CACNA1S: variants seen among roughly 807,000 people sequenced by gnomAD.
CACNA1S encodes the protein voltage-dependent L-type calcium channel subunit alpha-1S.
Under a neutral mutation model 207.4 loss-of-function variants are expected in CACNA1S, and 126 were observed. The observed-to-expected ratio is 0.61, with a 90% CI of 0.53 to 0.70. The LOEUF (loss-of-function observed/expected upper bound fraction) is 0.70. Among genes scored for constraint, CACNA1S ranks in the 30% least tolerant of loss-of-function variants. The pLI is 0.00. For synonymous variants in CACNA1S, 960 were observed against 932.7 expected (o/e 1.03, Z -0.53); for missense variants, 2,349 against 2,422.8 (o/e 0.97, Z 0.64).
At chr1:201,048,760 G>A in intron 35 of CACNA1S, 76 bp from the exon 36 acceptor site, 1 of 1,312,548 alleles carries the variant, frequency 7.6e-7, no homozygotes. Flanking sequence ...CACCCGGTCT[G>A]TGGACCGGGA....
intron 28 of CACNA1S, among the ~76,000 whole-genome samples, chr1:201,055,628 C>T (rs1425395752): frequency 2.0e-5 from 3 of 152,214 alleles, no homozygotes; most frequent in African/African-American, 7.2e-5. Context: ...GACAAGTAGA[C>T]ATGTGTGGCT....
At chr1:201,054,482 A>G in intron 29 of CACNA1S, 23 bp downstream of exon 29, 1 of 1,612,300 alleles carries the variant, frequency 6.2e-7, no homozygotes, top group Non-Finnish European at 8.5e-7. Context: ...CGTGCCAGGC[A>G]GGCTCGTGCA....
In CACNA1S at chr1:201,078,046, G is replaced by A. The variant is rs144206959; in HGVS notation, c.1452C>T (p.Tyr484=). The stretch of plus-strand genomic sequence containing the variant: ...TGAAGTACTGGCGCAGGCCCAGCCC[G>A]TACATCTTCATCAGCATCTCAGTGG... ...LFTTEMLMKM[Y]GLGLRQYFMS... The change falls in exon 11 of 44, where the codon TAC becomes TAT. Residue 484 remains tyrosine (Y), a synonymous_variant. Coordinates refer to ENST00000362061, the MANE Select transcript of CACNA1S (RefSeq NM_000069.3). 1.4e-3 allele frequency: 2,339 copies of A among 1,614,232 alleles called. 3 individuals are homozygous for A. Among genetic ancestry groups the A allele is most frequent in the Non-Finnish European group, 1.8e-3 (2,089 of 1,180,036 alleles).
At position 201,072,794 on chromosome 1, in the gene CACNA1S, T is replaced by C. The variant is rs1323273805; in HGVS notation, c.2188A>G (p.Asn730Asp). 2 of 1,613,752 alleles carry C rather than the reference T, an allele frequency of 1.2e-6. No homozygotes were observed. Among genetic ancestry groups the C allele is most frequent in the African/African-American group, 2.7e-5 (2 of 74,852 alleles). ...LKIDEFESNV[N>D]EVKDPYPSAD... ...GAGGGGTAGGGATCCTTCACCTCAT[T>C]GACATTAGATTCAAACTCATCGATT... The change falls in exon 16 of 44, where the codon AAT (asparagine) becomes GAT (aspartate). Residue 730 changes from asparagine to aspartate, a missense_variant. Coordinates refer to ENST00000362061, the MANE Select transcript of CACNA1S (RefSeq NM_000069.3).
chr1:201,069,454 G>C lies in CACNA1S; in HGVS notation c.2490+18C>G. On this transcript the variant is annotated intron_variant, in intron 18 of 43. Coordinates refer to ENST00000362061, the MANE Select transcript of CACNA1S (RefSeq NM_000069.3). ...GGGGGCAGGGGTGCTGAGTGGCAGA[G>C]AGGGTGAAGCCCGTCACCTGATTTC... 1.2e-6 allele frequency: 2 copies of C among 1,606,328 alleles called. No individual in the cohort carries two copies. Among genetic ancestry groups the C allele is most frequent in the African/African-American group, 1.3e-5 (1 of 75,040 alleles).
intron 28 of CACNA1S, among the ~76,000 whole-genome samples, chr1:201,056,694 C>T (rs926275207): frequency 6.6e-5 from 10 of 152,222 alleles, no homozygotes; most frequent in Non-Finnish European, 1.3e-4. Context: ...CACCCTCCTT[C>T]GTTGCAGCAA....
chr1:201,106,751 A>T (rs1205259187), intron 2 of CACNA1S, among the ~76,000 whole-genome samples: 1 of 152,096 alleles, frequency 6.6e-6, no homozygotes, highest in Non-Finnish European at 1.5e-5. Flanking sequence ...CCAGAGGTGG[A>T]GGTGTGGAGC....
chr1:201,066,384 C>G lies in CACNA1S; in HGVS notation c.2658-68G>C. The G allele has an allele frequency of 7.4e-7, 1 of 1,355,902 alleles. No individual in the cohort carries two copies. Among genetic ancestry groups the G allele is most frequent in the Admixed American group, 1.7e-5 (1 of 59,628 alleles). 84.0% of individuals were successfully genotyped at this position (1,355,902 alleles called of 1,614,324 possible). A position where few individuals can be genotyped will look rare whatever the true frequency, so the allele number is the denominator to read the frequency against. On this transcript the variant is annotated intron_variant, in intron 20 of 43. Transcript: ENST00000362061. The surrounding 1 kb of genome is among the most constrained non-coding windows in gnomAD (Gnocchi z 4.3). ...CAGCCAGCCCAGTCTGCGGTGGAGC[C>G]TCCAGCCATATCCTGCCCTCCACAC... is the stretch of plus-strand genomic sequence containing the variant.
chr1:201,073,500 T>A, intron 15 of CACNA1S, 49 bp downstream of exon 15: 1 of 1,434,114 alleles, frequency 7.0e-7, no homozygotes, highest in Non-Finnish European at 9.8e-7. Flanking sequence ...GAACCATGGA[T>A]TGGAAGAGCC....
At chr1:201,078,525 A>C (rs1490531067) in intron 10 of CACNA1S, among the ~76,000 whole-genome samples, 2 of 151,714 alleles carry the variant, frequency 1.3e-5, no homozygotes, top group African/African-American at 2.4e-5. Context: ...TTCAAAAAAA[A>C]AAAAAAAAAA....
chr1:201,093,738 C>T (rs746377044), intron 3 of CACNA1S, 144 bp downstream of exon 3: 133 of 989,802 alleles, frequency 1.3e-4, no homozygotes, highest in Non-Finnish European at 1.8e-4. Context: ...CTTGCTGGGC[C>T]GGCCTCTAAC....
At chr1:201,070,172 T>C in intron 17 of CACNA1S, 100 bp downstream of exon 17, 1 of 1,290,010 alleles carries the variant, frequency 7.8e-7, no homozygotes, top group South Asian at 1.2e-5. Flanking sequence ...TTTCTCATAG[T>C]ATAACTGTAG....
At chr1:201,080,076 T>C (rs966553113) in intron 10 of CACNA1S, among the ~76,000 whole-genome samples, 1 of 152,104 alleles carries the variant, frequency 6.6e-6, no homozygotes, top group Non-Finnish European at 1.5e-5. Flanking sequence ...GAGTATACAC[T>C]CTCCCCTGGA....
In CACNA1S at chr1:201,066,093, C is replaced by A. The variant is rs1661229294; in HGVS notation, c.2745+136G>T. On this transcript the variant is annotated intron_variant, in intron 21 of 43. Transcript: ENST00000362061. The surrounding 1 kb of genome is among the most constrained non-coding windows in gnomAD (Gnocchi z 4.3). ...TGGTGGGGAAGCATAGCTACCCCAGCCTCATCCTTACCCCTATCTGCCCAG... is the reference window on the plus strand; with the variant it reads ...TGGTGGGGAAGCATAGCTACCCCAGACTCATCCTTACCCCTATCTGCCCAG... 3 of 964,266 alleles carry A rather than the reference C, an allele frequency of 3.1e-6. No individual in the cohort carries two copies. The highest frequency in any genetic ancestry group is 4.9e-6 in the Non-Finnish European group (3 of 609,494). 59.7% of individuals were successfully genotyped at this position (964,266 alleles called of 1,614,324 possible).
At chr1:201,063,105 A>T (rs1661122688) in intron 22 of CACNA1S, among the ~76,000 whole-genome samples, 1 of 149,652 alleles carries the variant, frequency 6.7e-6, no homozygotes, top group Non-Finnish European at 1.5e-5. Flanking sequence ...GCTCCTCTGC[A>T]CTGACTTTGG....
chr1:201,099,444 T>G (rs894689783), intron 2 of CACNA1S, among the ~76,000 whole-genome samples: 5 of 152,230 alleles, frequency 3.3e-5, no homozygotes, highest in Non-Finnish European at 5.9e-5. Flanking sequence ...TGCCACCACA[T>G]GACTGCCTGT....
chr1:201,052,358 T>C (rs759027813), intron 32 of CACNA1S, among the ~76,000 whole-genome samples, 199 bp downstream of exon 32: 2 of 152,172 alleles, frequency 1.3e-5, no homozygotes, highest in Admixed American at 6.5e-5. Flanking sequence ...GTGGGACCAC[T>C]TGTTCAAAAT....
chr1:201,100,236 C>T (rs1662598738), intron 2 of CACNA1S, among the ~76,000 whole-genome samples: 1 of 152,214 alleles, frequency 6.6e-6, no homozygotes. Flanking sequence ...TGCTGTTTTT[C>T]CTGTTTCACA....
chr1:201,099,196 T>C (rs1361282482), intron 2 of CACNA1S, among the ~76,000 whole-genome samples: 1 of 152,222 alleles, frequency 6.6e-6, no homozygotes, highest in Non-Finnish European at 1.5e-5. Context: ...TCTGCCCAGC[T>C]CTAGTCTCCC....
Sources: allele counts gnomAD v4.1 joint callset (sites outside exome capture counted in the v4.1 genomes callset), GRCh38; gene constraint gnomAD v4.1.1; non-coding constraint Gnocchi (gnomAD v3.1); transcripts MANE v1.5; gene names NCBI Gene and HGNC (gene_info 2026-07-23, HGNC 2026-07-21).